POMGNT1: variants seen among roughly 807,000 people sequenced by gnomAD.
POMGNT1 encodes the protein protein O-linked-mannose beta-1,2-N-acetylglucosaminyltransferase 1.
Under a neutral mutation model 95.6 loss-of-function variants are expected in POMGNT1, and 67 were observed. The ratio of observed to expected loss-of-function variants is 0.70; its 90% confidence interval spans 0.58 to 0.86. POMGNT1 has a LOEUF of 0.86. POMGNT1 is among the 40% of genes least tolerant of loss of function. The pLI is 0.00. For missense variants in POMGNT1, 719 were observed against 855.2 expected, an observed-to-expected ratio of 0.84 and a Z score of 1.99; for synonymous variants, 298 against 317.9, an observed-to-expected ratio of 0.94 and a Z score of 0.66.
At position 46,192,440 on chromosome 1, in the gene POMGNT1, G is replaced by A. The variant is rs781051137; in HGVS notation, c.1285-4C>T. 7 of 1,614,134 alleles carry A rather than the reference G, an allele frequency of 4.3e-6. No homozygotes were observed. Among genetic ancestry groups the A allele is most frequent in the Non-Finnish European group, 5.9e-6 (7 of 1,180,028 alleles). ...CCTCAGCCGTGTGTTCATACCCCTGGGGACAGGGTGCCATAGTGGGAGGTA... is the reference window on the plus strand; with the variant it reads ...CCTCAGCCGTGTGTTCATACCCCTGAGGACAGGGTGCCATAGTGGGAGGTA... On this transcript the variant is annotated splice_polypyrimidine_tract_variant and splice_region_variant and intron_variant, in intron 15 of 21. Transcript: ENST00000371984.
chr1:46,193,976 G>A, intron 9 of POMGNT1, 51 bp from the exon 10 acceptor site: 1 of 1,607,718 alleles, frequency 6.2e-7, no homozygotes, highest in East Asian at 2.2e-5. Flanking sequence ...TTCAAACTGG[G>A]ATCCCCACCT....
intron 1 of POMGNT1, among the ~76,000 whole-genome samples, chr1:46,214,075 G>T (rs576914566): frequency 1.6e-4 from 25 of 152,126 alleles, no homozygotes; most frequent in Admixed American, 3.9e-4. Flanking sequence ...GCCGGGCATG[G>T]TGGCTCAGGC....
At chr1:46,202,920 G>GGTGTGTGTGTGTGTGTGTGTGTGTGTGT (rs10689850), upstream of POMGNT1, among the ~76,000 whole-genome samples, 1 of 64,516 alleles carries the variant, frequency 1.6e-5, no homozygotes, top group African/African-American at 6.6e-5. Flanking sequence ...GGGGGGGGGT[G>GGTGTGTGTGTGTGTGTGTGTGTGTGTGT]GTGTGTGTGT....
chr1:46,194,540 C>G lies in POMGNT1; in HGVS notation c.751+13G>C. On this transcript the variant is annotated intron_variant, in intron 8 of 21. Coordinates refer to ENST00000371984, the MANE Select transcript of POMGNT1 (RefSeq NM_017739.4). ...GCCCAGGCCCTGCCCCATCCATGCT[C>G]CACTAACTCCACCTTCTGCTGAGCT... The G allele has an allele frequency of 6.2e-7, 1 of 1,614,182 alleles. No individual in the cohort carries two copies. Among genetic ancestry groups the G allele is most frequent in the Non-Finnish European group, 8.5e-7 (1 of 1,180,038 alleles).
chr1:46,193,011 T>C, intron 13 of POMGNT1, 53 bp from the exon 14 acceptor site: 2 of 1,609,516 alleles, frequency 1.2e-6, no homozygotes, highest in East Asian at 2.2e-5. Flanking sequence ...CATCCTGTGA[T>C]CTCCTTTGCC....
chr1:46,197,354 C>T, intron 2 of POMGNT1: 3 of 1,481,846 alleles, frequency 2.0e-6, no homozygotes, highest in South Asian at 2.4e-5. Context: ...TTCCTTGGTC[C>T]CCTCCATTGT....
upstream of POMGNT1, among the ~76,000 whole-genome samples, chr1:46,201,853 G>A (rs1658543209): frequency 6.6e-6 from 1 of 151,344 alleles, no homozygotes; most frequent in African/African-American, 2.4e-5. Flanking sequence ...GAGAAGTAGT[G>A]TGGCTGGGCA....
chr1:46,219,902 C>T, exon 1 of POMGNT1: 1 of 1,613,896 alleles, frequency 6.2e-7, no homozygotes, highest in South Asian at 1.1e-5. Context: ...CAGACACCAG[C>T]ACCACCGACC....
chr1:46,194,044 A>C, intron 9 of POMGNT1, 119 bp from the exon 10 acceptor site: 2 of 1,556,048 alleles, frequency 1.3e-6, no homozygotes, highest in South Asian at 2.4e-5. Context: ...GAAGGGATAG[A>C]GGATCTTCCC....
intron 1 of POMGNT1, among the ~76,000 whole-genome samples, chr1:46,207,097 T>G (rs1658741158): frequency 6.6e-6 from 1 of 151,946 alleles, no homozygotes; most frequent in African/African-American, 2.4e-5. Context: ...TTTTTTTTTT[T>G]GACACAGGGT....
Position 46,189,102 on chromosome 1 carries a change from G to A in POMGNT1, c.*168C>T, listed in dbSNP as rs1571644857. The stretch of plus-strand genomic sequence containing the variant: ...AATAGACTTTTAACTCAGGAACGGG[G>A]TGTTGGAGCAGGGGAACCCTCCCCT... On this transcript the variant is annotated 3_prime_UTR_variant, in exon 22 of 22. Transcript: ENST00000371984. The A allele has an allele frequency of 6.7e-7, 1 of 1,500,602 alleles. No homozygotes were observed. Among genetic ancestry groups the A allele is most frequent in the East Asian group, 2.3e-5 (1 of 43,688 alleles). The allele number at this position is 1,500,602 out of a possible 1,614,324, so 93.0% of individuals were successfully genotyped here.
At chr1:46,202,969 T>C (rs887691638), upstream of POMGNT1, among the ~76,000 whole-genome samples, 1 of 121,948 alleles carries the variant, frequency 8.2e-6, no homozygotes, top group Non-Finnish European at 1.6e-5. Context: ...CTAGCTAAAA[T>C]CCAGTCATCG....
At chr1:46,218,651 A>G (rs538545883) in intron 1 of POMGNT1, among the ~76,000 whole-genome samples, 11 of 152,284 alleles carry the variant, frequency 7.2e-5, no homozygotes, top group Admixed American at 2.0e-4. Context: ...GAGCAGGGAG[A>G]GACAGGTTCA....
At chr1:46,203,629 G>A (rs1658619518) in intron 1 of POMGNT1, 1 of 1,601,322 alleles carries the variant, frequency 6.2e-7, no homozygotes, top group Non-Finnish European at 8.5e-7. Flanking sequence ...GAGCTGGTGA[G>A]TGCTGAATCC....
chr1:46,204,913 C>T (rs1198581426), intron 1 of POMGNT1, among the ~76,000 whole-genome samples: 1 of 152,212 alleles, frequency 6.6e-6, no homozygotes, highest in African/African-American at 2.4e-5. Context: ...TTACATGATG[C>T]TCTCTTCATC....
At position 46,205,756 on chromosome 1, in the gene POMGNT1, T is replaced by A. The variant is rs535559871; in HGVS notation, c.-50-7885A>T. On this transcript the variant is annotated intron_variant, in intron 1 of 22. Coordinates refer to the POMGNT1 transcript ENST00000371992. ...GAGGAGAGATCCCCATCCTATTTTTTCTCCTTCCTCAGGCCAGGATGTTAT... is the reference window on the plus strand; with the variant it reads ...GAGGAGAGATCCCCATCCTATTTTTACTCCTTCCTCAGGCCAGGATGTTAT... 4.6e-5 allele frequency among the ~76,000 whole-genome samples: 7 copies of A among 152,332 alleles called. No homozygotes were observed. In the East Asian group the frequency reaches 1.2e-3, roughly 25 times the overall value.
upstream of POMGNT1, among the ~76,000 whole-genome samples, chr1:46,201,543 A>C (rs1417291556): frequency 3.3e-5 from 5 of 151,826 alleles, no homozygotes; most frequent in Non-Finnish European, 7.4e-5. Context: ...TACTAAAAAT[A>C]CAAAAATTAG....
upstream of POMGNT1, among the ~76,000 whole-genome samples, chr1:46,198,925 G>C (rs1481178633): frequency 6.6e-6 from 1 of 152,016 alleles, no homozygotes; most frequent in Non-Finnish European, 1.5e-5. Context: ...CATGAGGTAG[G>C]CGCTATTATC....
In POMGNT1 at chr1:46,190,534, A is replaced by G; in HGVS notation, c.1605-17T>C. On this transcript the variant is annotated splice_polypyrimidine_tract_variant and intron_variant, in intron 18 of 21. Transcript: ENST00000371984. ...TTCTTCAGACTGAAGAGGAGGGAGA[A>G]ATGGGTCAGGGGAGTGGGCAGGCCC... is the stretch of plus-strand genomic sequence containing the variant. The G allele has an allele frequency of 1.9e-6, 3 of 1,598,828 alleles. No homozygotes were observed. The highest frequency in any genetic ancestry group is 2.6e-6 in the Non-Finnish European group (3 of 1,166,094).
Sources: gnomAD v4.1 joint callset for allele counts (sites outside exome capture counted in the v4.1 genomes callset) on GRCh38, gnomAD v4.1.1 for gene constraint, MANE v1.5 for transcripts, NCBI Gene and HGNC (gene_info 2026-07-23, HGNC 2026-07-21) for gene names.